Variants in CADPS observed in about 807,000 individuals in gnomAD.
The protein encoded by CADPS is calcium-dependent secretion activator 1.
In CADPS, 57 loss-of-function variants were observed where a neutral mutation model predicts 167.3. That is an observed-to-expected ratio of 0.34 (90% CI 0.28 to 0.42). The LOEUF (loss-of-function observed/expected upper bound fraction) is 0.42. Among genes scored for constraint, CADPS ranks in the 20% least tolerant of loss-of-function variants. The pLI is 1.00. For synonymous variants in CADPS, 676 were observed against 635.3 expected (o/e 1.06, Z -0.96); for missense variants, 1,414 against 1,738.1 (o/e 0.81, Z 3.32).
At chr3:62,757,654 G>T (rs1017000684) in intron 2 of CADPS, among the ~76,000 whole-genome samples, 1 of 152,166 alleles carries the variant, frequency 6.6e-6, no homozygotes, top group African/African-American at 2.4e-5. Flanking sequence ...AAATAAAGAT[G>T]TTGGCACTTG....
chr3:62,654,592 A>G (rs892202997), intron 4 of CADPS, among the ~76,000 whole-genome samples: 4 of 152,074 alleles, frequency 2.6e-5, no homozygotes, highest in African/African-American at 9.7e-5. Context: ...CTCTCTGGAG[A>G]GTGAAGGGAA....
chr3:62,844,844 G>A (rs1412440448), intron 1 of CADPS, among the ~76,000 whole-genome samples: 3 of 152,146 alleles, frequency 2.0e-5, no homozygotes, highest in Non-Finnish European at 4.4e-5. Context: ...AAGCTAATTA[G>A]GGTTCTTGGT....
intron 6 of CADPS, among the ~76,000 whole-genome samples, chr3:62,634,994 T>C (rs189956178): frequency 6.6e-6 from 1 of 152,308 alleles, no homozygotes; most frequent in African/African-American, 2.4e-5. Flanking sequence ...TTTTTAAGTA[T>C]TTGTGAGATC....
intron 3 of CADPS, among the ~76,000 whole-genome samples, chr3:62,699,771 G>T (rs547834466): frequency 2.0e-5 from 3 of 151,958 alleles, no homozygotes; most frequent in Non-Finnish European, 4.4e-5. Context: ...GTTTTGCTAC[G>T]TTGACCAGGC....
intron 28 of CADPS, among the ~76,000 whole-genome samples, chr3:62,427,633 G>A (rs1432351628): frequency 6.6e-6 from 1 of 151,972 alleles, no homozygotes; most frequent in Non-Finnish European, 1.5e-5. Context: ...AGTCCTCTGT[G>A]GGACAAAAAT....
intron 3 of CADPS, among the ~76,000 whole-genome samples, chr3:62,689,911 T>C (rs1018779604): frequency 9.9e-5 from 15 of 151,892 alleles, no homozygotes; most frequent in Non-Finnish European, 1.6e-4. Flanking sequence ...AAAAGCAAAG[T>C]ATGTTCGAGG....
chr3:62,869,030 G>A (rs2082180617), intron 1 of CADPS, among the ~76,000 whole-genome samples: 1 of 152,064 alleles, frequency 6.6e-6, no homozygotes, highest in Non-Finnish European at 1.5e-5. Flanking sequence ...CTTGAGAGCA[G>A]AAGTGTTTTG....
In CADPS at chr3:62,775,019, T is replaced by TA. The variant is rs753592328; in HGVS notation, c.442-9036_442-9035insT. The stretch of plus-strand genomic sequence containing the variant: ...TTTGAATGAATCTTTTACCCATAAG[T>TA]GTTTTTTTTTTAATTTTTGTTTTGT... On this transcript the variant is annotated intron_variant, in intron 1 of 29. Transcript: ENST00000383710. Among the ~76,000 whole-genome samples, 18 of 151,232 alleles carry TA rather than the reference T, an allele frequency of 1.2e-4. No individual in the cohort carries two copies. The South Asian group carries it at 1.5e-3, about 12-fold the overall frequency.
chr3:62,486,444 C>CAAAAAAAAAAAAAAAAA (rs1219097343), intron 21 of CADPS, among the ~76,000 whole-genome samples: 1 of 63,936 alleles, frequency 1.6e-5, no homozygotes, highest in Non-Finnish European at 3.5e-5. Flanking sequence ...GACTCCGTCT[C>CAAAAAAAAAAAAAAAAA]AAAAAAAAAA....
At chr3:62,542,230 G>A (rs1301586537) in intron 11 of CADPS, among the ~76,000 whole-genome samples, 1 of 152,166 alleles carries the variant, frequency 6.6e-6, no homozygotes, top group Non-Finnish European at 1.5e-5. Context: ...TGCTACTCCT[G>A]ATGGATGCTA....
At position 62,601,506 on chromosome 3, in the gene CADPS, A is replaced by G. The variant is rs375902570; in HGVS notation, c.1326-8758T>C. On this transcript the variant is annotated intron_variant, in intron 6 of 29. Transcript: ENST00000383710. This position sits in a 1 kb window ranked among gnomAD's most constrained non-coding sequence, Gnocchi z 4.3. ...GAATGCTCATCTGGGCATACCCACAAAGACGAACTATAAACATGCACTCAC... is the reference window on the plus strand; with the variant it reads ...GAATGCTCATCTGGGCATACCCACAGAGACGAACTATAAACATGCACTCAC... Among the ~76,000 whole-genome samples, 13 of 152,350 alleles carry G rather than the reference A, an allele frequency of 8.5e-5. 1 individual carries two copies. Among genetic ancestry groups the G allele is most frequent in the Admixed American group, 6.5e-5 (1 of 15,300 alleles).
chr3:62,754,480 A>T (rs1397399949), intron 2 of CADPS, among the ~76,000 whole-genome samples: 2 of 152,068 alleles, frequency 1.3e-5, no homozygotes, highest in Non-Finnish European at 2.9e-5. Flanking sequence ...GAGTCAATGC[A>T]CCCAGAATTT....
chr3:62,476,789 G>A (rs1269773510), intron 23 of CADPS, among the ~76,000 whole-genome samples: 1 of 152,126 alleles, frequency 6.6e-6, no homozygotes, highest in African/African-American at 2.4e-5. Context: ...GAACTGGTAA[G>A]CCTTTACTGT....
intron 24 of CADPS, among the ~76,000 whole-genome samples, chr3:62,471,475 G>C (rs1337313792): frequency 1.3e-5 from 2 of 152,068 alleles, no homozygotes; most frequent in African/African-American, 4.8e-5. Context: ...AGTGAAGTTT[G>C]TGACAGCAAC....
intron 17 of CADPS, among the ~76,000 whole-genome samples, chr3:62,503,445 C>T (rs1170219556): frequency 6.6e-6 from 1 of 152,190 alleles, no homozygotes. Context: ...CTCAAGATGC[C>T]TACACATGTT....
intron 6 of CADPS, among the ~76,000 whole-genome samples, chr3:62,595,168 C>G (rs2058735199): frequency 6.6e-6 from 1 of 151,850 alleles, no homozygotes; most frequent in Non-Finnish European, 1.5e-5. Context: ...GAGGGGAAAC[C>G]AGATCCATGG....
At chr3:62,492,510 C>T (rs1304489825) in intron 19 of CADPS, 64 bp from the exon 20 acceptor site, 20 of 1,501,542 alleles carry the variant, frequency 1.3e-5, no homozygotes, top group Non-Finnish European at 1.5e-5. Context: ...GGACATAAGA[C>T]GTGAATTCCA....
intron 11 of CADPS, among the ~76,000 whole-genome samples, chr3:62,541,417 A>G (rs1212956532): frequency 6.6e-6 from 1 of 152,152 alleles, no homozygotes; most frequent in Non-Finnish European, 1.5e-5. Flanking sequence ...TAGGAGACTG[A>G]CTTCAAACTA....
At chr3:62,698,510 T>A (rs1402654589) in intron 3 of CADPS, among the ~76,000 whole-genome samples, 1 of 152,066 alleles carries the variant, frequency 6.6e-6, no homozygotes, top group Admixed American at 6.6e-5. Flanking sequence ...AAACATCAGC[T>A]GGTCCAGGCA....
Sources: gnomAD v4.1 joint callset for allele counts (sites outside exome capture counted in the v4.1 genomes callset) on GRCh38, gnomAD v4.1.1 for gene constraint, Gnocchi (gnomAD v3.1) non-coding constraint, MANE v1.5 for transcripts, NCBI Gene and HGNC (gene_info 2026-07-23, HGNC 2026-07-21) for gene names.